Variants in INPPL1 observed in about 807,000 individuals in gnomAD.
INPPL1 encodes phosphatidylinositol 3,4,5-trisphosphate 5-phosphatase 2.
In INPPL1, 91 loss-of-function variants were observed where a neutral mutation model predicts 139.3. That is an observed-to-expected ratio of 0.65 (90% CI 0.55 to 0.78). The LOEUF (loss-of-function observed/expected upper bound fraction) is 0.78. Among genes scored for constraint, INPPL1 ranks in the 30% least tolerant of loss-of-function variants. The pLI, the probability that INPPL1 is intolerant of heterozygous loss-of-function variation, is 0.00. For missense variants in INPPL1, 1,411 were observed against 1,665.6 expected, an observed-to-expected ratio of 0.85 and a Z score of 2.66; for synonymous variants, 719 against 686.6, an observed-to-expected ratio of 1.05 and a Z score of -0.74.
At chr11:72,224,338 G>A (rs1231051165), upstream of INPPL1, among the ~76,000 whole-genome samples, 1 of 151,692 alleles carries the variant, frequency 6.6e-6, no homozygotes, top group Non-Finnish European at 1.5e-5. Flanking sequence ...AAGAGGATGG[G>A]TAGGGGGTGG....
In INPPL1 at chr11:72,232,781, G is replaced by T; in HGVS notation, c.1851+17G>T. On this transcript the variant is annotated intron_variant, in intron 15 of 27. Coordinates refer to ENST00000298229, the MANE Select transcript of INPPL1 (RefSeq NM_001567.4). The stretch of plus-strand genomic sequence containing the variant: ...GATATCCAGGTGCGAGCAGGGCCCT[G>T]CCATGGCTGTAGGGAGGCTAAGGGC... 2 of 1,613,982 alleles carry T rather than the reference G, an allele frequency of 1.2e-6. No individual in the cohort carries two copies. The highest frequency in any genetic ancestry group is 1.7e-6 in the Non-Finnish European group (2 of 1,179,994).
At chr11:72,225,713 G>A (rs1421675302) in intron 1 of INPPL1, among the ~76,000 whole-genome samples, 1 of 152,186 alleles carries the variant, frequency 6.6e-6, no homozygotes, top group Non-Finnish European at 1.5e-5. Flanking sequence ...GGCTGAGGCT[G>A]TATGGGACCT....
intron 1 of INPPL1, chr11:72,227,843 C>G (rs954297509): frequency 2.8e-6 from 1 of 361,950 alleles, no homozygotes; most frequent in African/African-American, 2.1e-5. Flanking sequence ...CTTACTCTGG[C>G]GGGGAGCCCA....
In INPPL1 at chr11:72,231,513, C is replaced by G. The variant is rs1217892226; in HGVS notation, c.1513C>G (p.Leu505Val). 6.2e-7 allele frequency: 1 copy of G among 1,613,684 alleles called. No homozygotes were observed. Among genetic ancestry groups the G allele is most frequent in the Non-Finnish European group, 8.5e-7 (1 of 1,179,766 alleles). The stretch of plus-strand genomic sequence containing the variant: ...CTCTACCCAGATTGCCATGCAATCA[C>G]TGTGGAATATCAAGGTGGCAGTGCT... ...LDYRPIAMQS[L>V]WNIKVAVLVK... Residue 505 changes from leucine (L) to valine (V), a missense_variant, in exon 13 of 28, where the codon CTG becomes GTG. Physicochemically the swap from Leu to Val is conservative, Grantham distance 32. Coordinates refer to ENST00000298229, the MANE Select transcript of INPPL1 (RefSeq NM_001567.4).
Position 72,238,373 on chromosome 11 carries a change from C to G in INPPL1, c.*20C>G. ...AAGTGATAGCGGAGGCACCACGAAGCTGTGAACTCAGAGCCCCTCCCTGCT... is the reference window on the plus strand; with the variant it reads ...AAGTGATAGCGGAGGCACCACGAAGGTGTGAACTCAGAGCCCCTCCCTGCT... On this transcript the variant is annotated 3_prime_UTR_variant, in exon 28 of 28. Coordinates refer to ENST00000298229, the MANE Select transcript of INPPL1 (RefSeq NM_001567.4). 2 of 1,517,292 alleles carry G rather than the reference C, an allele frequency of 1.3e-6. No individual in the cohort carries two copies. The highest frequency in any genetic ancestry group is 2.4e-5 in the East Asian group (1 of 42,414). The allele number at this position is 1,517,292 out of a possible 1,614,324, so 94.0% of individuals were successfully genotyped here. A position where few individuals can be genotyped will look rare whatever the true frequency, so the allele number is the denominator to read the frequency against.
Position 72,224,922 on chromosome 11 carries a change from G to C in INPPL1, c.-63G>C, listed in dbSNP as rs919372876. On this transcript the variant is annotated 5_prime_UTR_variant, in exon 1 of 28. Transcript: ENST00000298229. The stretch of plus-strand genomic sequence containing the variant: ...CGGGCCCGGCCCCAGCCTCAGCCCT[G>C]AGCGTCTCGGGGCGGATGGCGCGGG... 341 of 1,018,370 alleles carry C rather than the reference G, an allele frequency of 3.3e-4. 1 individual carries two copies. Among genetic ancestry groups the C allele is most frequent in the Middle Eastern group, 2.8e-3 (6 of 2,168 alleles). 63.1% of individuals were successfully genotyped at this position (1,018,370 alleles called of 1,614,324 possible).
Position 72,228,891 on chromosome 11 carries a change from T to C in INPPL1, c.518+44T>C, listed in dbSNP as rs563962020. 55 of 1,535,436 alleles carry C rather than the reference T, an allele frequency of 3.6e-5. 1 individual carries two copies. The South Asian group carries it at 6.3e-4, about 17-fold the overall frequency. On this transcript the variant is annotated intron_variant, in intron 4 of 27. Transcript: ENST00000298229. This position sits in a 1 kb window ranked among gnomAD's most constrained non-coding sequence, Gnocchi z 5.0. ...CCACTGAACAGGAGACCCTTTCTCC[T>C]CTGAGAACTATTTCCCTACCAAAGG...
Position 72,232,297 on chromosome 11 carries a change from T to C in INPPL1, c.1673T>C (p.Val558Ala). 6.4e-7 allele frequency: 1 copy of C among 1,555,442 alleles called. No individual in the cohort carries two copies. The highest frequency in any genetic ancestry group is 8.7e-7 in the Non-Finnish European group (1 of 1,148,804). The change falls in exon 14 of 28, where the codon GTG (valine) becomes GCG (alanine). Residue 558 changes from valine (V) to alanine (A), a missense_variant. By Grantham distance (64) the Val-to-Ala change is moderately conservative. This residue lies in a region of INPPL1 where 363 missense variants were observed against 446.2 expected (regional missense o/e 0.81). Coordinates refer to ENST00000298229, the MANE Select transcript of INPPL1 (RefSeq NM_001567.4). ...TTTAATGGCACCTCATTTGGCTTTG[T>C]GAATTGTCACCTCACCTCGGGAAAT... ...FMFNGTSFGF[V>A]NCHLTSGNEK...
rs1360230888 is a variant in INPPL1 at position 72,238,560 on chromosome 11, C to G, written c.*207C>G. On this transcript the variant is annotated 3_prime_UTR_variant, in exon 28 of 28. Transcript: ENST00000298229. ...GGCATCCTGCCCCTCGCCTTTTAGGCTCAGGACGGAAGGTCAGTTGCCATG... is the reference window on the plus strand; with the variant it reads ...GGCATCCTGCCCCTCGCCTTTTAGGGTCAGGACGGAAGGTCAGTTGCCATG... 1 of 448,314 alleles carries G rather than the reference C, an allele frequency of 2.2e-6. No homozygotes were observed. The highest frequency in any genetic ancestry group is 3.7e-5 in the East Asian group (1 of 27,136). 27.8% of individuals were successfully genotyped at this position (448,314 alleles called of 1,614,324 possible).
In INPPL1 at chr11:72,234,356, C is replaced by A. The variant is rs1948920824; in HGVS notation, c.2288C>A (p.Thr763Asn). The change falls in exon 20 of 28, where the codon ACC becomes AAC. Residue 763 changes from threonine (T) to asparagine (N), a missense_variant. By Grantham distance (65) the Thr-to-Asn change is moderately conservative (BLOSUM62 0). Around this residue, in one of 5 missense-constraint regions of INPPL1, gnomAD observed 363 missense variants for 446.2 expected, o/e 0.81. Coordinates refer to ENST00000298229, the MANE Select transcript of INPPL1 (RefSeq NM_001567.4). This position sits in a 1 kb window ranked among gnomAD's most constrained non-coding sequence, Gnocchi z 4.2. ...IEAIVKTASR[T>N]KFFIEFYSTC... ...GCCATTGTGAAGACAGCCAGCCGCA[C>A]CAAGTTCTTCATCGAGTTCTACTCT... is the stretch of plus-strand genomic sequence containing the variant. 6.2e-7 allele frequency: 1 copy of A among 1,614,140 alleles called. No individual in the cohort carries two copies. The highest frequency in any genetic ancestry group is 1.7e-5 in the Admixed American group (1 of 60,026).
intron 13 of INPPL1, 124 bp downstream of exon 13, chr11:72,231,739 G>C: frequency 1.4e-6 from 1 of 717,736 alleles, no homozygotes; most frequent in Non-Finnish European, 2.5e-6. Context: ...AGGGTACTTT[G>C]AACTTTGAAA....
At chr11:72,226,461 G>A (rs1591268457) in intron 1 of INPPL1, among the ~76,000 whole-genome samples, 2 of 152,198 alleles carry the variant, frequency 1.3e-5, no homozygotes, top group Non-Finnish European at 2.9e-5. Flanking sequence ...GATTACAGGT[G>A]GAGCCACCTC....
Position 72,230,476 on chromosome 11 carries a change from GC to G in INPPL1, c.1197+9del, listed in dbSNP as rs1373098758. 1 of 1,612,708 alleles carries G rather than the reference GC, an allele frequency of 6.2e-7. No homozygotes were observed. The highest frequency in any genetic ancestry group is 8.5e-7 in the Non-Finnish European group (1 of 1,179,370). Reference sequence around the variant, plus strand: ...ATCTTTGTCAGTGCCCGGGTGAGCAGCAGGCTGGGCCAGGCCACTGGGGACT... The same window carrying G: ...ATCTTTGTCAGTGCCCGGGTGAGCAGAGGCTGGGCCAGGCCACTGGGGACT... On this transcript the variant is annotated intron_variant, in intron 10 of 27. Transcript: ENST00000298229.
intron 1 of INPPL1, among the ~76,000 whole-genome samples, chr11:72,226,576 G>C (rs962330562): frequency 2.6e-5 from 4 of 152,134 alleles, no homozygotes; most frequent in African/African-American, 9.7e-5. Flanking sequence ...GTGCACAAGA[G>C]AGTCCCCCAC....
Position 72,231,106 on chromosome 11 carries a change from C to T in INPPL1, c.1414C>T (p.Gln472Ter). ...CCATGACATCTATGTCTTTGGGACC[C>T]AGGAGAACTCAGTGGGCGACCGCGA... ...IPHDIYVFGT[Q>*]ENSVGDREWL... is the part of the protein sequence containing the mutation. The change falls in exon 12 of 28, where the codon CAG (glutamine) becomes TAG (stop). Residue 472 changes from glutamine (Q) to a stop codon, truncating the protein, a stop_gained. Coordinates refer to ENST00000298229, the MANE Select transcript of INPPL1 (RefSeq NM_001567.4). LOFTEE classifies it high-confidence loss of function. 6.2e-7 allele frequency: 1 copy of T among 1,613,982 alleles called. No individual in the cohort carries two copies. Among genetic ancestry groups the T allele is most frequent in the Non-Finnish European group, 8.5e-7 (1 of 1,180,026 alleles).
At position 72,238,182 on chromosome 11, in the gene INPPL1, G is replaced by T. The variant is rs771414265; in HGVS notation, c.3686+7G>T. 10 of 1,608,730 alleles carry T rather than the reference G, an allele frequency of 6.2e-6. No individual in the cohort carries two copies. The East Asian group carries it at 1.8e-4, about 29-fold the overall frequency. ...ACGACCTGGAGTTTCTCAGGTGGGG[G>T]AGGGGCTGGCCCCGGGGGCGGAGCT... On this transcript the variant is annotated splice_region_variant and intron_variant, in intron 27 of 27. Transcript: ENST00000298229.
intron 19 of INPPL1, 55 bp downstream of exon 19, chr11:72,233,799 G>A (rs1948903872): frequency 1.1e-5 from 15 of 1,425,820 alleles, no homozygotes; most frequent in Non-Finnish European, 1.4e-5. Context: ...GGCACAGGTG[G>A]TGGCCTCGGG....
rs1442136606 is a variant in INPPL1 at position 72,231,142 on chromosome 11, C to G, written c.1450C>G (p.Leu484Val). The G allele has an allele frequency of 6.2e-7, 1 of 1,613,704 alleles. No individual in the cohort carries two copies. Among genetic ancestry groups the G allele is most frequent in the Non-Finnish European group, 8.5e-7 (1 of 1,180,004 alleles). ...NSVGDREWLD[L>V]LRGGLKELTD... Reference sequence around the variant, plus strand: ...AGTGGGCGACCGCGAGTGGCTGGACCTACTGCGCGGGGGCCTCAAGGAGCT... The same window carrying G: ...AGTGGGCGACCGCGAGTGGCTGGACGTACTGCGCGGGGGCCTCAAGGAGCT... Residue 484 changes from leucine (L) to valine (V), a missense_variant, in exon 12 of 28, where the codon CTA (leucine) becomes GTA (valine). Around this residue, in one of 5 missense-constraint regions of INPPL1, gnomAD observed 363 missense variants for 446.2 expected, o/e 0.81. Transcript: ENST00000298229.
intron 11 of INPPL1, 24 bp downstream of exon 11, chr11:72,230,922 G>T (rs752247735): frequency 6.2e-7 from 1 of 1,613,366 alleles, no homozygotes. Context: ...TGGGGCTGGG[G>T]CGGGAGAGAG....
Sources: allele counts gnomAD v4.1 joint callset (sites outside exome capture counted in the v4.1 genomes callset), GRCh38; gene constraint gnomAD v4.1.1; regional missense constraint gnomAD v4.1.1; non-coding constraint Gnocchi (gnomAD v3.1); transcripts MANE v1.5; gene names NCBI Gene and HGNC (gene_info 2026-07-23, HGNC 2026-07-21).